TLL1: variants seen among roughly 807,000 people sequenced by gnomAD.
TLL1 encodes the protein tolloid-like protein 1.
TLL1 carries 49 observed loss-of-function variants against 128.2 expected under a neutral mutation model. The ratio of observed to expected loss-of-function variants is 0.38; its 90% CI spans 0.30 to 0.48. TLL1 has a LOEUF of 0.48. Among genes scored for constraint, TLL1 ranks in the 20% least tolerant of loss-of-function variants. The pLI is 0.96. For missense variants in TLL1, 1,123 were observed against 1,242.0 expected, an observed-to-expected ratio of 0.90 and a Z score of 1.44; for synonymous variants, 454 against 418.8, an observed-to-expected ratio of 1.08 and a Z score of -1.03.
chr4:165,896,901 C>G (rs373428652), intron 1 of TLL1, among the ~76,000 whole-genome samples: 9 of 152,348 alleles, frequency 5.9e-5, no homozygotes, highest in African/African-American at 1.9e-4. Context: ...TCCACATCCT[C>G]TCCAGCATCT....
intron 8 of TLL1, among the ~76,000 whole-genome samples, chr4:166,016,106 T>G (rs1737930507): frequency 6.6e-6 from 1 of 152,090 alleles, no homozygotes; most frequent in South Asian, 2.1e-4. Context: ...TGCTGTTTAC[T>G]GAAGTTGCAT....
At chr4:165,902,121 C>T (rs1732023092) in intron 1 of TLL1, among the ~76,000 whole-genome samples, 2 of 152,056 alleles carry the variant, frequency 1.3e-5, no homozygotes, top group African/African-American at 4.8e-5. Flanking sequence ...CCCAGGTTGA[C>T]TTTAGACTGC....
At chr4:166,032,462 T>C (rs1221084958) in intron 9 of TLL1, among the ~76,000 whole-genome samples, 1 of 152,086 alleles carries the variant, frequency 6.6e-6, no homozygotes, top group Non-Finnish European at 1.5e-5. Context: ...TAATTCAAAT[T>C]CTGTGGCAAT....
intron 1 of TLL1, among the ~76,000 whole-genome samples, chr4:165,884,136 C>G (rs1264828002): frequency 1.3e-5 from 2 of 152,104 alleles, no homozygotes; most frequent in African/African-American, 2.4e-5. Context: ...TAGATTTACC[C>G]GAGGGATTTA....
At chr4:166,012,770 G>T (rs1737756607) in intron 7 of TLL1, among the ~76,000 whole-genome samples, 1 of 151,686 alleles carries the variant, frequency 6.6e-6, no homozygotes, top group African/African-American at 2.4e-5. Flanking sequence ...TAAATCACTA[G>T]CTCTACTTCT....
intron 19 of TLL1, among the ~76,000 whole-genome samples, chr4:166,093,800 A>G (rs947597639): frequency 3.3e-5 from 5 of 152,164 alleles, no homozygotes; most frequent in Non-Finnish European, 5.9e-5. Flanking sequence ...TATCGAGACT[A>G]GAGAATGGCG....
rs867562622 is a variant in TLL1, at chr4:166,092,036, A to G, written c.2656+695A>G. Among the ~76,000 whole-genome samples, 3 of 28,522 alleles carry G rather than the reference A, an allele frequency of 1.1e-4. No individual in the cohort carries two copies. In the South Asian group the frequency reaches 6.0e-3, roughly 57 times the overall value. The allele number at this position is 28,522 out of a possible 152,430, so 18.7% of individuals were successfully genotyped here. A position where few individuals can be genotyped will look rare whatever the true frequency, so the allele number is the denominator to read the frequency against. On this transcript the variant is annotated intron_variant, in intron 19 of 20. Coordinates refer to ENST00000061240, the MANE Select transcript of TLL1 (RefSeq NM_012464.5). ...TCTAGAGAATGTGCCCTTTTCATTC[A>G]GTTAAGACAGTATATCAGTTAAATG... is the stretch of plus-strand genomic sequence containing the variant.
In TLL1 at chr4:165,942,292, G is replaced by A. The variant is rs527551453; in HGVS notation, c.170-47089G>A. The stretch of plus-strand genomic sequence containing the variant: ...CCACCCTCCTTTTTTTTTTTTTCTA[G>A]CTAACCCTCCATCCTCCGCCAAGAC... On this transcript the variant is annotated intron_variant, in intron 1 of 20. Transcript: ENST00000061240. Among the ~76,000 whole-genome samples, 35 of 146,012 alleles carry A rather than the reference G, an allele frequency of 2.4e-4. 1 individual carries two copies. The South Asian group carries it at 6.7e-3, about 28-fold the overall frequency.
intron 9 of TLL1, among the ~76,000 whole-genome samples, chr4:166,035,670 A>G (rs1359476776): frequency 6.6e-6 from 1 of 152,210 alleles, no homozygotes; most frequent in East Asian, 1.9e-4. Flanking sequence ...AGAGCTGAAC[A>G]AAAGCTTAAT....
chr4:165,992,929 T>C, intron 3 of TLL1, 45 bp downstream of exon 3: 1 of 1,432,508 alleles, frequency 7.0e-7, no homozygotes, highest in African/African-American at 1.4e-5. Context: ...TGATGTACAG[T>C]AAATATTATA....
intron 15 of TLL1, among the ~76,000 whole-genome samples, chr4:166,060,817 A>C (rs1740275436): frequency 6.6e-6 from 1 of 152,198 alleles, no homozygotes; most frequent in African/African-American, 2.4e-5. Flanking sequence ...CATCAAATTC[A>C]AGTGGAATGT....
intron 10 of TLL1, among the ~76,000 whole-genome samples, chr4:166,041,297 TTTCTTTC>T (rs1175530590): frequency 2.6e-4 from 34 of 131,768 alleles, no homozygotes; most frequent in African/African-American, 7.4e-4. Flanking sequence ...TCTTTCTTTC[TTTCTTTC>T]TTTTTTTTTT....
intron 11 of TLL1, among the ~76,000 whole-genome samples, chr4:166,043,003 A>G (rs1579663471): frequency 6.6e-6 from 1 of 152,318 alleles, no homozygotes; most frequent in East Asian, 1.9e-4. Flanking sequence ...AAGCCACTAA[A>G]GGTTTTTAAA....
At chr4:165,930,761 T>A (rs1444436621) in intron 1 of TLL1, among the ~76,000 whole-genome samples, 1 of 152,238 alleles carries the variant, frequency 6.6e-6, no homozygotes, top group Non-Finnish European at 1.5e-5. Flanking sequence ...TACGTTTTTC[T>A]CATCATATTT....
chr4:166,008,152 G>T (rs1737524089), intron 7 of TLL1, 104 bp downstream of exon 7: 4 of 786,384 alleles, frequency 5.1e-6, no homozygotes, highest in Non-Finnish European at 6.6e-6. Flanking sequence ...TTCAAATATT[G>T]CTACCTCACT....
intron 5 of TLL1, among the ~76,000 whole-genome samples, chr4:166,002,644 C>T (rs1737223196): frequency 6.6e-6 from 1 of 152,036 alleles, no homozygotes; most frequent in Admixed American, 6.6e-5. Context: ...GGGGTCTTAC[C>T]ATGTTTCCTA....
At chr4:165,882,776 G>A (rs28497991) in intron 1 of TLL1, among the ~76,000 whole-genome samples, 4,691 of 151,830 alleles carry the variant, frequency 0.031, 198 homozygotes, top group East Asian at 0.13. Context: ...GCGCCACCAC[G>A]CCCGGCTAGT....
At chr4:165,976,011 G>A (rs1735860782) in intron 1 of TLL1, among the ~76,000 whole-genome samples, 1 of 114,662 alleles carries the variant, frequency 8.7e-6, no homozygotes, top group South Asian at 3.0e-4. Context: ...GCACAGCCTG[G>A]GTAACAGAGT....
Position 166,076,262 on chromosome 4 carries a change from G to A in TLL1, c.2314+1259G>A, listed in dbSNP as rs535108603. ...TAATTTCTGTATTTTTTGTAGAGACGGGTTTTTGCCATGTTGCCCAGGCTG... is the reference window on the plus strand; with the variant it reads ...TAATTTCTGTATTTTTTGTAGAGACAGGTTTTTGCCATGTTGCCCAGGCTG... On this transcript the variant is annotated intron_variant, in intron 17 of 20. Transcript: ENST00000061240. Among the ~76,000 whole-genome samples, 5 of 152,138 alleles carry A rather than the reference G, an allele frequency of 3.3e-5. No homozygotes were observed. The South Asian group carries it at 6.2e-4, about 19-fold the overall frequency.
Sources: gnomAD v4.1 joint callset for allele counts (sites outside exome capture counted in the v4.1 genomes callset) on GRCh38, gnomAD v4.1.1 for gene constraint, MANE v1.5 for transcripts, NCBI Gene and HGNC (gene_info 2026-07-23, HGNC 2026-07-21) for gene names.